The following KCNK13 variants were observed in gnomAD, a reference collection of about 807,000 sequenced individuals.
The protein encoded by KCNK13 is potassium two pore domain channel subfamily K member 13.
Under a neutral mutation model 23.4 loss-of-function variants are expected in KCNK13, and 12 were observed. The observed-to-expected ratio is 0.51, with a 90% CI of 0.33 to 0.83. KCNK13 has a LOEUF of 0.83. Ranked by LOEUF, KCNK13 falls within the 40% of genes least tolerant of loss-of-function variation. KCNK13 has a pLI of 0.02. For synonymous variants in KCNK13, 231 were observed against 229.5 expected (o/e 1.01, Z -0.06); for missense variants, 463 against 556.3 (o/e 0.83, Z 1.69).
intron 1 of KCNK13, among the ~76,000 whole-genome samples, chr14:90,092,912 CAAAAAAAAAAA>C (rs34122207): frequency 1.3e-5 from 1 of 78,296 alleles, no homozygotes; most frequent in Admixed American, 1.5e-4. Flanking sequence ...ACCCTGTCTC[CAAAAAAAAAAA>C]AAAAAAAAAA....
chr14:90,165,299 A>ACT (rs1890290936), intron 1 of KCNK13, among the ~76,000 whole-genome samples: 2 of 152,298 alleles, frequency 1.3e-5, no homozygotes, highest in East Asian at 3.9e-4. Flanking sequence ...AGTGCTGATC[A>ACT]GGGTGGGGCT....
intron 1 of KCNK13, among the ~76,000 whole-genome samples, chr14:90,158,177 A>G (rs1269206754): frequency 3.3e-5 from 5 of 152,188 alleles, no homozygotes; most frequent in Non-Finnish European, 5.9e-5. Flanking sequence ...GCCCAGAGCC[A>G]TGGTTGCCCA....
At chr14:90,124,162 G>A (rs1489038033) in intron 1 of KCNK13, among the ~76,000 whole-genome samples, 1 of 152,222 alleles carries the variant, frequency 6.6e-6, no homozygotes, top group African/African-American at 2.4e-5. Flanking sequence ...CAGCACCGCA[G>A]CAGAACTGTG....
intron 1 of KCNK13, among the ~76,000 whole-genome samples, chr14:90,115,655 A>G (rs1358684843): frequency 1.3e-5 from 2 of 152,210 alleles, no homozygotes; most frequent in East Asian, 1.9e-4. Flanking sequence ...ATGAGTTTAC[A>G]TAAATGAACA....
intron 1 of KCNK13, among the ~76,000 whole-genome samples, chr14:90,137,192 C>T (rs996253468): frequency 2.4e-4 from 37 of 152,156 alleles, no homozygotes; most frequent in Non-Finnish European, 8.8e-5. Context: ...CTACTGCACC[C>T]CACTGCATTT....
chr14:90,109,046 A>G (rs1363339867), intron 1 of KCNK13, among the ~76,000 whole-genome samples: 3 of 151,884 alleles, frequency 2.0e-5, no homozygotes, highest in Non-Finnish European at 4.4e-5. Context: ...GCATGGTGGC[A>G]GGCGCCTGTA....
At chr14:90,156,653 A>G (rs1193445518) in intron 1 of KCNK13, among the ~76,000 whole-genome samples, 2 of 152,182 alleles carry the variant, frequency 1.3e-5, no homozygotes, top group Non-Finnish European at 2.9e-5. Flanking sequence ...GGCACATTAT[A>G]TACTCCATTT....
At position 90,062,399 on chromosome 14, in the gene KCNK13, A is replaced by G. The variant is rs1275803806; in HGVS notation, c.194A>G (p.Asn65Ser). The stretch of plus-strand genomic sequence containing the variant: ...CTGGCCAACTTCAGCCGCGGCCACA[A>G]CCTGAGCCGCGACGAGCTGCGCGGC... ...ERLANFSRGH[N>S]LSRDELRGFL... Residue 65 changes from asparagine to serine, a missense_variant, in exon 1 of 2, where the codon AAC (asparagine) becomes AGC (serine). Around this residue, in one of 3 missense-constraint regions of KCNK13, gnomAD observed 153 missense variants for 153.6 expected, o/e 1.00. Transcript: ENST00000282146. The surrounding 1 kb of genome is among the most constrained non-coding windows in gnomAD (Gnocchi z 4.5). The G allele has an allele frequency of 7.8e-6, 12 of 1,547,920 alleles. No individual in the cohort carries two copies. Among genetic ancestry groups the G allele is most frequent in the Non-Finnish European group, 9.6e-6 (11 of 1,146,514 alleles).
chr14:90,118,197 C>T (rs1889698958), intron 1 of KCNK13, among the ~76,000 whole-genome samples: 1 of 152,146 alleles, frequency 6.6e-6, no homozygotes, highest in African/African-American at 2.4e-5. Flanking sequence ...CATCATGCTT[C>T]TACATATGTG....
chr14:90,148,605 A>G (rs1403217947), intron 1 of KCNK13, among the ~76,000 whole-genome samples: 2 of 152,188 alleles, frequency 1.3e-5, no homozygotes, highest in Non-Finnish European at 2.9e-5. Context: ...AGAGGTGCAG[A>G]GTGACAAGGT....
intron 1 of KCNK13, among the ~76,000 whole-genome samples, chr14:90,120,300 A>G (rs1455202614): frequency 1.3e-5 from 2 of 152,190 alleles, no homozygotes; most frequent in African/African-American, 2.4e-5. Context: ...GTGTCTGTGC[A>G]CTATTCCAGT....
At chr14:90,171,109 C>T (rs965796426) in intron 1 of KCNK13, among the ~76,000 whole-genome samples, 1 of 152,184 alleles carries the variant, frequency 6.6e-6, no homozygotes, top group African/African-American at 2.4e-5. Flanking sequence ...GTTCACTTGC[C>T]TAATCGTGTC....
intron 1 of KCNK13, among the ~76,000 whole-genome samples, chr14:90,132,673 A>G (rs1889889167): frequency 6.6e-6 from 1 of 152,148 alleles, no homozygotes; most frequent in Non-Finnish European, 1.5e-5. Context: ...AGGTCTGCAG[A>G]TGGTGGTGGT....
At chr14:90,124,946 T>A (rs1767541116) in intron 1 of KCNK13, among the ~76,000 whole-genome samples, 1 of 152,150 alleles carries the variant, frequency 6.6e-6, no homozygotes. Context: ...GTAACTCAAG[T>A]GTTAGGCTGA....
At chr14:90,087,154 ATTT>A (rs1555401789) in intron 1 of KCNK13, among the ~76,000 whole-genome samples, 52 of 107,642 alleles carry the variant, frequency 4.8e-4, no homozygotes, top group Admixed American at 6.6e-4. Flanking sequence ...ATATATATAT[ATTT>A]TTTTTTTTTA....
intron 1 of KCNK13, among the ~76,000 whole-genome samples, chr14:90,098,939 G>A (rs111835529): frequency 0.014 from 2,147 of 152,070 alleles, 58 homozygotes; most frequent in African/African-American, 0.048. Context: ...TTAGCCGGGC[G>A]TGATGGCAGG....
intron 1 of KCNK13, among the ~76,000 whole-genome samples, chr14:90,141,940 G>A (rs144418707): frequency 0.016 from 2,397 of 152,080 alleles, 18 homozygotes; most frequent in Non-Finnish European, 0.023. Context: ...CTGCCACCAT[G>A]CCTGGCTAAT....
At chr14:90,125,334 C>T (rs1889783955) in intron 1 of KCNK13, among the ~76,000 whole-genome samples, 1 of 151,950 alleles carries the variant, frequency 6.6e-6, no homozygotes, top group South Asian at 2.1e-4. Context: ...CACCATTCTC[C>T]TGCCTCAGCC....
chr14:90,155,646 G>A (rs986346083), intron 1 of KCNK13, among the ~76,000 whole-genome samples: 4 of 152,264 alleles, frequency 2.6e-5, no homozygotes, highest in Non-Finnish European at 4.4e-5. Flanking sequence ...TAGAACAAAC[G>A]GGATCTCTTG....
Sources: allele counts gnomAD v4.1 joint callset (sites outside exome capture counted in the v4.1 genomes callset), GRCh38; gene constraint gnomAD v4.1.1; regional missense constraint gnomAD v4.1.1; non-coding constraint Gnocchi (gnomAD v3.1); transcripts MANE v1.5; gene names NCBI Gene and HGNC (gene_info 2026-07-23, HGNC 2026-07-21).